P4HA2: variants seen among roughly 807,000 people sequenced by gnomAD.
P4HA2 encodes prolyl 4-hydroxylase subunit alpha 2.
In P4HA2, 46 loss-of-function variants were observed where a neutral mutation model predicts 76.9. The ratio of observed to expected loss-of-function variants is 0.60; its 90% CI spans 0.47 to 0.76. The LOEUF (loss-of-function observed/expected upper bound fraction) is 0.76, where lower values mean the gene tolerates loss of function less well. Among genes scored for constraint, P4HA2 ranks in the 30% least tolerant of loss-of-function variants. The pLI is 0.00. For missense variants in P4HA2, 583 were observed against 669.4 expected (o/e 0.87, Z 1.42); for synonymous variants, 243 against 254.0 (o/e 0.96, Z 0.41).
At chr5:132,217,692 G>A (rs1348552091) in intron 3 of P4HA2, 60 bp downstream of exon 3, 3 of 1,062,812 alleles carry the variant, frequency 2.8e-6, no homozygotes, top group Non-Finnish European at 3.0e-6. Context: ...TGGCTTCCTT[G>A]TTCCTTGAGG....
In P4HA2 at chr5:132,192,956, C is replaced by A; in HGVS notation, c.*54G>T. On this transcript the variant is annotated 3_prime_UTR_variant, in exon 15 of 15. Transcript: ENST00000360568. ...CATACAAAGGAACATACAAAGGTGT[C>A]TGTCACGTTGACATGGGCTGAAGGA... 1 of 1,105,404 alleles carries A rather than the reference C, an allele frequency of 9.0e-7. No homozygotes were observed. The highest frequency in any genetic ancestry group is 1.2e-5 in the South Asian group (1 of 80,656). 68.5% of individuals were successfully genotyped at this position (1,105,404 alleles called of 1,614,324 possible).
intron 8 of P4HA2, among the ~76,000 whole-genome samples, chr5:132,205,656 G>T (rs867321028): frequency 6.6e-5 from 10 of 152,272 alleles, no homozygotes; most frequent in African/African-American, 2.2e-4. Context: ...GGCTAGTAAG[G>T]GGGTGAGATG....
intron 13 of P4HA2, 158 bp downstream of exon 13, chr5:132,195,254 T>C (rs1186735498): frequency 1.6e-5 from 11 of 671,938 alleles, no homozygotes; most frequent in Non-Finnish European, 2.9e-5. Context: ...CCCTGTCCTT[T>C]CTTCACAGGG....
At chr5:132,197,744 A>G (rs1403037064) in intron 12 of P4HA2, among the ~76,000 whole-genome samples, 1 of 152,222 alleles carries the variant, frequency 6.6e-6, no homozygotes, top group Non-Finnish European at 1.5e-5. Flanking sequence ...TTAAGTAACC[A>G]AAATCACAGC....
chr5:132,206,754 G>A (rs558436547), intron 8 of P4HA2, among the ~76,000 whole-genome samples: 7 of 152,238 alleles, frequency 4.6e-5, no homozygotes, highest in East Asian at 1.9e-4. Flanking sequence ...CCTATTCTAC[G>A]TAATTATGCT....
At chr5:132,197,243 T>G (rs957128354) in intron 12 of P4HA2, among the ~76,000 whole-genome samples, 1 of 152,142 alleles carries the variant, frequency 6.6e-6, no homozygotes, top group African/African-American at 2.4e-5. Context: ...ATCTCCTCAC[T>G]CTGATGCCAA....
chr5:132,214,966 T>G (rs901338281), intron 4 of P4HA2, among the ~76,000 whole-genome samples: 2 of 152,192 alleles, frequency 1.3e-5, no homozygotes, highest in African/African-American at 4.8e-5. Context: ...CAGGCTGACT[T>G]AGGGCCTTCA....
In P4HA2 at chr5:132,191,198, T is replaced by G. The variant is rs1749878233; in HGVS notation, c.*1812A>C. 6.6e-6 allele frequency among the ~76,000 whole-genome samples: 1 copy of G among 152,174 alleles called. No individual in the cohort carries two copies. Among genetic ancestry groups the G allele is most frequent in the Non-Finnish European group, 1.5e-5 (1 of 68,018 alleles). ...CTCCCAAGGGCTCCGCATCCTAATA[T>G]CATCACATTGGGGGTTAAGATTTCA... is the stretch of plus-strand genomic sequence containing the variant. On this transcript the variant is annotated 3_prime_UTR_variant, in exon 15 of 15. Transcript: ENST00000360568.
chr5:132,218,428 C>G lies in P4HA2; in HGVS notation c.82+117G>C. 4 of 662,718 alleles carry G rather than the reference C, an allele frequency of 6.0e-6. No individual in the cohort carries two copies. The South Asian group carries it at 7.4e-5, about 12-fold the overall frequency. The allele number at this position is 662,718 out of a possible 1,614,324, so 41.1% of individuals were successfully genotyped here. A position where few individuals can be genotyped will look rare whatever the true frequency, so the allele number is the denominator to read the frequency against. ...TCTGCCAGTTCCACTCTCCTCAGAACTGGCCAAAACCAGTAGTTAAGGCTA... is the reference window on the plus strand; with the variant it reads ...TCTGCCAGTTCCACTCTCCTCAGAAGTGGCCAAAACCAGTAGTTAAGGCTA... On this transcript the variant is annotated intron_variant, in intron 2 of 14. Transcript: ENST00000360568.
chr5:132,223,980 C>T (rs1295881525), intron 1 of P4HA2, among the ~76,000 whole-genome samples: 2 of 152,188 alleles, frequency 1.3e-5, no homozygotes, highest in East Asian at 3.8e-4. Context: ...AACATGCCTG[C>T]CCAGGTTAAG....
At chr5:132,209,581 G>A (rs1020377554) in intron 6 of P4HA2, among the ~76,000 whole-genome samples, 4 of 152,028 alleles carry the variant, frequency 2.6e-5, no homozygotes, top group East Asian at 3.9e-4. Context: ...TCACGAGTTC[G>A]AGACCAGCCT....
chr5:132,198,337 G>C lies in P4HA2; in HGVS notation c.1349C>G (p.Ala450Gly), dbSNP rs139849772. 6.9e-5 allele frequency: 112 copies of C among 1,613,992 alleles called. 1 individual carries two copies. In the African/African-American group the frequency reaches 1.4e-3, roughly 20 times the overall value. The change falls in exon 12 of 15, where the codon GCG becomes GGG. Residue 450 changes from alanine to glycine, a missense_variant. Transcript: ENST00000360568. Reference sequence around the variant, plus strand: ...AGTACTTACGTAGTTAAGAAACGTCGCTAACCTATTCCCCTCTGTTTTGAG... The same window carrying C: ...AGTACTTACGTAGTTAAGAAACGTCCCTAACCTATTCCCCTCTGTTTTGAG... ...SGLKTEGNRL[A>G]TFLNYMSDVE...
chr5:132,219,036 C>T (rs1265394730), intron 1 of P4HA2, among the ~76,000 whole-genome samples: 1 of 152,242 alleles, frequency 6.6e-6, no homozygotes, highest in African/African-American at 2.4e-5. Context: ...CCTTCCAACA[C>T]ATATGCCAGG....
intron 1 of P4HA2, among the ~76,000 whole-genome samples, chr5:132,223,700 T>C (rs1754945194): frequency 6.6e-6 from 1 of 152,236 alleles, no homozygotes; most frequent in Admixed American, 6.5e-5. Flanking sequence ...CCAAAAATCT[T>C]TCATTTCTAC....
Position 132,222,699 on chromosome 5 carries a change from T to C in P4HA2, c.-18-4055A>G, listed in dbSNP as rs140322754. Among the ~76,000 whole-genome samples, 597 of 152,308 alleles carry C rather than the reference T, an allele frequency of 3.9e-3. 3 individuals are homozygous for C. The highest frequency in any genetic ancestry group is 0.014 in the African/African-American group (569 of 41,578). On this transcript the variant is annotated intron_variant, in intron 1 of 14. Transcript: ENST00000360568. The stretch of plus-strand genomic sequence containing the variant: ...ACAACTACTTTATGTGAAAAAATAT[T>C]CTCCTTCACGAAGAACCTAATAAAG...
intron 2 of P4HA2, 108 bp from the exon 3 acceptor site, chr5:132,217,956 A>C: frequency 1.5e-6 from 1 of 676,320 alleles, no homozygotes; most frequent in South Asian, 1.9e-5. Context: ...TGGGATAAGA[A>C]CATGTCAGCT....
intron 8 of P4HA2, among the ~76,000 whole-genome samples, chr5:132,205,260 G>C (rs1752051852): frequency 6.6e-6 from 1 of 152,132 alleles, no homozygotes; most frequent in African/African-American, 2.4e-5. Context: ...GGGTTAACAT[G>C]AGTTATCCAA....
chr5:132,196,529 G>T (rs1750667715), intron 12 of P4HA2, among the ~76,000 whole-genome samples: 1 of 152,132 alleles, frequency 6.6e-6, no homozygotes, highest in Admixed American at 6.5e-5. Flanking sequence ...CCAAGCCTGG[G>T]GTTCACAGCA....
In P4HA2 at chr5:132,209,317, G is replaced by C; in HGVS notation, c.724C>G (p.Arg242Gly). The C allele has an allele frequency of 6.2e-7, 1 of 1,613,654 alleles. No homozygotes were observed. The highest frequency in any genetic ancestry group is 8.5e-7 in the Non-Finnish European group (1 of 1,179,758). ...RLLSLDPSHE[R>G]AGGNLRYFEQ... ...AAGTACCGCAGATTCCCTCCAGCTC[G>C]TTCGTGGCTTGGGTCTAGAAAATGC... The change falls in exon 7 of 15, where the codon CGA becomes GGA. Residue 242 changes from arginine to glycine, a missense_variant. Coordinates refer to ENST00000360568, the MANE Select transcript of P4HA2 (RefSeq NM_001017974.2).
Sources: gnomAD v4.1 joint callset for allele counts (sites outside exome capture counted in the v4.1 genomes callset) on GRCh38, gnomAD v4.1.1 for gene constraint, MANE v1.5 for transcripts, NCBI Gene and HGNC (gene_info 2026-07-23, HGNC 2026-07-21) for gene names.